The following RALGPS1 variants were observed in gnomAD, a reference collection of about 807,000 sequenced individuals.
The protein encoded by RALGPS1 is Ral GEF with PH domain and SH3 binding motif 1, also known as ras-specific guanine nucleotide-releasing factor RalGPS1.
In RALGPS1, 19 loss-of-function variants were observed where a neutral mutation model predicts 78.8. That is an observed-to-expected ratio of 0.24 (90% CI 0.17 to 0.35). The LOEUF is 0.35. Ranked by LOEUF, RALGPS1 falls within the 10% of genes least tolerant of loss-of-function variation. RALGPS1 has a pLI of 1.00. For synonymous variants in RALGPS1, 228 were observed against 256.3 expected, an observed-to-expected ratio of 0.89 and a Z score of 1.06; for missense variants, 454 against 688.3, an observed-to-expected ratio of 0.66 and a Z score of 3.81.
intron 4 of RALGPS1, among the ~76,000 whole-genome samples, chr9:126,981,655 A>G (rs1227702281): frequency 1.3e-5 from 2 of 152,230 alleles, no homozygotes; most frequent in Non-Finnish European, 2.9e-5. Context: ...AATCCGCATC[A>G]CAGTGTTATG....
At chr9:127,137,747 C>T (rs971395928) in intron 8 of RALGPS1, among the ~76,000 whole-genome samples, 1 of 152,164 alleles carries the variant, frequency 6.6e-6, no homozygotes, top group Non-Finnish European at 1.5e-5. Flanking sequence ...AGATACATGG[C>T]GTGAGCAGAT....
At position 127,220,418 on chromosome 9, in the gene RALGPS1, C is replaced by T. The variant is rs548118553; in HGVS notation, c.*1649C>T. The T allele has an allele frequency of 1.3e-4, 20 of 152,338 alleles. No individual in the cohort carries two copies. The highest frequency in any genetic ancestry group is 3.6e-4 in the African/African-American group (15 of 41,564). 9.4% of individuals were successfully genotyped at this position (152,338 alleles called of 1,614,324 possible). On this transcript the variant is annotated 3_prime_UTR_variant, in exon 19 of 19. Transcript: ENST00000259351. ...GGCTTGGTGAGGAAAGTAGTTGTCA[C>T]CAGGGCCTCATTTTGTAGTTGAGCC... is the stretch of plus-strand genomic sequence containing the variant.
rs1392225698 is a variant in RALGPS1 at position 126,952,654 on chromosome 9, A to AGTGTGTGTGT, written c.-65-9570_-65-9569insTGTGTGTGTG. On this transcript the variant is annotated intron_variant, in intron 1 of 18. Coordinates refer to ENST00000259351, the MANE Select transcript of RALGPS1 (RefSeq NM_014636.3). ...GAGAGAGAGAGAGAGAGAGAGAGAG[A>AGTGTGTGTGT]GAGTGTGTGTGTGTGTGTGTGTGTG... 3.5e-3 allele frequency among the ~76,000 whole-genome samples: 485 copies of AGTGTGTGTGT among 137,940 alleles called. 3 individuals are homozygous for AGTGTGTGTGT. The highest frequency in any genetic ancestry group is 0.01 in the African/African-American group (395 of 38,520). The allele number at this position is 137,940 out of a possible 152,430, so 90.5% of individuals were successfully genotyped here. A position where few individuals can be genotyped will look rare whatever the true frequency, so the allele number is the denominator to read the frequency against.
Position 127,211,540 on chromosome 9 carries a change from A to T in RALGPS1, c.1248-591A>T, listed in dbSNP as rs1453162166. Among the ~76,000 whole-genome samples the T allele has an allele frequency of 6.6e-6, 1 of 152,140 alleles. No homozygotes were observed. The highest frequency in any genetic ancestry group is 1.5e-5 in the Non-Finnish European group (1 of 68,010). ...GGTGCCATTCCTGAGGCACCGGCAG[A>T]TCCGGAGCTCAGGAGGGAGGTGTGG... On this transcript the variant is annotated intron_variant, in intron 14 of 18. Coordinates refer to ENST00000259351, the MANE Select transcript of RALGPS1 (RefSeq NM_014636.3). The surrounding 1 kb of genome is among the most constrained non-coding windows in gnomAD (Gnocchi z 5.0).
rs1564740139 is a variant in RALGPS1, at chr9:127,183,066, T to C, written c.910+8284T>C. 2.0e-5 allele frequency among the ~76,000 whole-genome samples: 3 copies of C among 151,956 alleles called. No individual in the cohort carries two copies. Among genetic ancestry groups the C allele is most frequent in the Admixed American group, 6.6e-5 (1 of 15,258 alleles). On this transcript the variant is annotated intron_variant, in intron 11 of 18. Coordinates refer to ENST00000259351, the MANE Select transcript of RALGPS1 (RefSeq NM_014636.3). The surrounding 1 kb of genome is among the most constrained non-coding windows in gnomAD (Gnocchi z 4.0). ...TGAGGAGAGGCAAGTTCCCAGACTT[T>C]TAAACAACCAGACCTCCCGTGAACT...
At chr9:127,214,566 T>A (rs889117498) in intron 17 of RALGPS1, among the ~76,000 whole-genome samples, 185 bp from the exon 18 acceptor site, 1 of 152,216 alleles carries the variant, frequency 6.6e-6, no homozygotes, top group Non-Finnish European at 1.5e-5. Context: ...CCAAAATGGT[T>A]ACAAGCCATG....
chr9:127,127,452 T>G (rs1031731657), intron 8 of RALGPS1, among the ~76,000 whole-genome samples: 1 of 152,232 alleles, frequency 6.6e-6, no homozygotes, highest in Non-Finnish European at 1.5e-5. Context: ...CCCGTTCTGC[T>G]GTTGGTGCTC....
At chr9:127,018,006 C>T (rs934497475) in intron 4 of RALGPS1, among the ~76,000 whole-genome samples, 1 of 152,058 alleles carries the variant, frequency 6.6e-6, no homozygotes, top group Admixed American at 6.5e-5. Flanking sequence ...CACCTGAGGT[C>T]AGGAGTTTGA....
intron 8 of RALGPS1, among the ~76,000 whole-genome samples, chr9:127,126,884 C>T (rs1355478894): frequency 6.6e-6 from 1 of 152,058 alleles, no homozygotes; most frequent in Non-Finnish European, 1.5e-5. Context: ...GTCATATTGT[C>T]CTGCTTCTTC....
In RALGPS1 at chr9:127,212,683, C is replaced by T. The variant is rs776892582; in HGVS notation, c.1410C>T (p.Tyr470=). Residue 470 remains tyrosine (Y), a synonymous_variant, in exon 16 of 19, where the codon TAC becomes TAT. Transcript: ENST00000259351. The surrounding 1 kb of genome is among the most constrained non-coding windows in gnomAD (Gnocchi z 6.0). ...TCTCAGGATCCACCCTCCTGTACTA[C>T]GGAGCCAAGTCCTTGCGGGGCACAG... ...VILSGSTLLY[Y]GAKSLRGTDR... is the part of the protein sequence containing the mutation. 3.7e-6 allele frequency: 6 copies of T among 1,613,616 alleles called. No homozygotes were observed. Among genetic ancestry groups the T allele is most frequent in the Admixed American group, 1.7e-5 (1 of 59,992 alleles).
Position 127,091,931 on chromosome 9 carries a change from C to A in RALGPS1, c.610+22575C>A, listed in dbSNP as rs1230193319. ...AGCCAGTATTCGCCGTCAATGTTCC[C>A]AAACCCTTGCTGGGGAAAACCCAGG... On this transcript the variant is annotated intron_variant, in intron 8 of 18. Transcript: ENST00000259351. This position sits in a 1 kb window ranked among gnomAD's most constrained non-coding sequence, Gnocchi z 4.3. The A allele has an allele frequency of 6.2e-7, 1 of 1,613,814 alleles. No homozygotes were observed. The highest frequency in any genetic ancestry group is 8.5e-7 in the Non-Finnish European group (1 of 1,179,812).
At chr9:126,964,681 T>C (rs369505193) in intron 2 of RALGPS1, among the ~76,000 whole-genome samples, 2 of 138,376 alleles carry the variant, frequency 1.4e-5, no homozygotes, top group East Asian at 2.5e-4. Context: ...GTTTTTGGTA[T>C]AGTAGACTCA....
intron 1 of RALGPS1, among the ~76,000 whole-genome samples, chr9:126,942,855 T>C (rs1003874221): frequency 5.3e-5 from 8 of 152,164 alleles, no homozygotes; most frequent in Non-Finnish European, 1.5e-5. Context: ...TCTTTTTTTT[T>C]GTCTTTTAGT....
At chr9:127,103,885 C>T (rs574040805) in intron 8 of RALGPS1, among the ~76,000 whole-genome samples, 10 of 152,266 alleles carry the variant, frequency 6.6e-5, no homozygotes, top group Non-Finnish European at 1.2e-4. Context: ...CCAGCCTTCC[C>T]GTGGAAGTGT....
rs2059278254 is a variant in RALGPS1 at position 127,166,172 on chromosome 9, A to C, written c.714A>C (p.Arg238=). Residue 238 remains arginine (R), a synonymous_variant, in exon 9 of 19, where the codon CGA becomes CGC. Transcript: ENST00000259351. ...QRSNQMNNIL[R]IIADLQVSCS... ...CCAATCAGATGAACAATATTCTTCG[A>C]ATAATTGCTGATTTACAAGTTTCCT... is the stretch of plus-strand genomic sequence containing the variant. The C allele has an allele frequency of 8.7e-6, 14 of 1,613,792 alleles. No homozygotes were observed. The highest frequency in any genetic ancestry group is 1.0e-5 in the Non-Finnish European group (12 of 1,179,952).
chr9:126,923,152 A>T (rs2034931492), intron 1 of RALGPS1, among the ~76,000 whole-genome samples: 1 of 152,206 alleles, frequency 6.6e-6, no homozygotes, highest in South Asian at 2.1e-4. Context: ...AGGTTGTTAG[A>T]TCGGAGGTTC....
chr9:127,184,322 G>GA (rs1339192496), intron 11 of RALGPS1: 9,190 of 214,436 alleles, frequency 0.043, 1 homozygote, highest in South Asian at 0.11. Context: ...CTTGTCTCAG[G>GA]AAAAAAAAAA....
At chr9:126,988,269 C>T (rs988132433) in intron 4 of RALGPS1, among the ~76,000 whole-genome samples, 6 of 152,074 alleles carry the variant, frequency 3.9e-5, no homozygotes, top group Admixed American at 3.3e-4. Context: ...AGCATGGACA[C>T]GTGTCAAGAG....
intron 8 of RALGPS1, among the ~76,000 whole-genome samples, chr9:127,132,831 A>G (rs1377631566): frequency 2.0e-5 from 3 of 152,222 alleles, no homozygotes; most frequent in African/African-American, 7.2e-5. Flanking sequence ...TATAGTAAGT[A>G]CCTAATTTTT....
Sources: gnomAD v4.1 joint callset for allele counts (sites outside exome capture counted in the v4.1 genomes callset) on GRCh38, gnomAD v4.1.1 for gene constraint, Gnocchi (gnomAD v3.1) non-coding constraint, MANE v1.5 for transcripts, NCBI Gene and HGNC (gene_info 2026-07-23, HGNC 2026-07-21) for gene names.